The following CSMD1 variants were observed in gnomAD, a reference collection of about 807,000 sequenced individuals.
CSMD1 encodes CUB and Sushi multiple domains 1.
In CSMD1, 213 loss-of-function variants were observed where a neutral mutation model predicts 417.5. The observed-to-expected ratio is 0.51, with a 90% confidence interval of 0.46 to 0.57. The LOEUF (loss-of-function observed/expected upper bound fraction) is 0.57, where lower values mean the gene tolerates loss of function less well. CSMD1 is among the 20% of genes least tolerant of loss of function. The pLI is 0.00. For missense variants in CSMD1, 6,923 were observed against 4,529.7 expected (o/e 1.53, Z -15.17); for synonymous variants, 2,862 against 1,736.8 (o/e 1.65, Z -16.11).
At chr8:3,828,642 T>G (rs1247594626) in intron 5 of CSMD1, among the ~76,000 whole-genome samples, 1 of 152,190 alleles carries the variant, frequency 6.6e-6, no homozygotes, top group Non-Finnish European at 1.5e-5. Context: ...TCGTCACACC[T>G]ATTTTAATCC....
intron 3 of CSMD1, among the ~76,000 whole-genome samples, chr8:4,117,950 GGAAA>G (rs796482363): frequency 3.6e-5 from 5 of 139,104 alleles, no homozygotes; most frequent in African/African-American, 1.3e-4. Context: ...CAAGTCAATA[GGAAA>G]AAAAAAAAAA....
At chr8:3,704,756 T>A (rs1275328586) in intron 7 of CSMD1, 1 of 152,196 alleles carries the variant, frequency 6.6e-6, no homozygotes, top group Non-Finnish European at 1.5e-5. Flanking sequence ...TCTGTTTAAT[T>A]ATCAAACTGC....
chr8:3,566,682 C>G (rs1279945802), intron 10 of CSMD1, among the ~76,000 whole-genome samples: 2 of 152,044 alleles, frequency 1.3e-5, no homozygotes, highest in Admixed American at 6.5e-5. Context: ...AAAAAAAGGT[C>G]AACATCACTG....
intron 1 of CSMD1, among the ~76,000 whole-genome samples, chr8:4,725,374 ATGT>A (rs1350384253): frequency 6.6e-6 from 1 of 152,172 alleles, no homozygotes; most frequent in African/African-American, 2.4e-5. Flanking sequence ...CATAATAGTA[ATGT>A]TGTTTTGCTT....
intron 5 of CSMD1, among the ~76,000 whole-genome samples, chr8:3,797,645 A>G (rs1800234139): frequency 6.6e-6 from 1 of 151,982 alleles, no homozygotes; most frequent in Admixed American, 6.6e-5. Context: ...TTATACAAAT[A>G]TGTTATAATT....
chr8:4,880,042 T>A (rs114473762), intron 1 of CSMD1, among the ~76,000 whole-genome samples: 1 of 152,122 alleles, frequency 6.6e-6, no homozygotes, highest in South Asian at 2.1e-4. Context: ...TATTTTTGGC[T>A]TTAAAAGTAA....
chr8:3,454,258 C>G (rs1209709424), intron 12 of CSMD1, among the ~76,000 whole-genome samples: 1 of 152,174 alleles, frequency 6.6e-6, no homozygotes, highest in Non-Finnish European at 1.5e-5. Context: ...GGTCTTGACT[C>G]TTTATCCAAT....
chr8:4,426,028 C>G (rs1340385612), intron 2 of CSMD1, among the ~76,000 whole-genome samples: 1 of 151,320 alleles, frequency 6.6e-6, no homozygotes, highest in Non-Finnish European at 1.5e-5. Context: ...TTTTCCAAAT[C>G]TCCAAGGGAT....
chr8:4,045,587 G>T (rs1031202767), intron 3 of CSMD1, among the ~76,000 whole-genome samples: 6 of 152,278 alleles, frequency 3.9e-5, no homozygotes, highest in Middle Eastern at 3.4e-3. Context: ...TAGAATGAAA[G>T]AAACTCAAGA....
intron 5 of CSMD1, among the ~76,000 whole-genome samples, chr8:3,757,212 T>C (rs1797708295): frequency 6.6e-6 from 1 of 152,186 alleles, no homozygotes; most frequent in South Asian, 2.1e-4. Context: ...TATTTCCAAA[T>C]ACCTACTCAG....
intron 3 of CSMD1, among the ~76,000 whole-genome samples, chr8:4,401,390 G>A (rs1804634261): frequency 6.6e-6 from 1 of 152,148 alleles, no homozygotes; most frequent in Non-Finnish European, 1.5e-5. Context: ...TGTATCAGAT[G>A]TTAGTTGTTT....
intron 5 of CSMD1, among the ~76,000 whole-genome samples, chr8:3,922,461 T>G (rs1432739029): frequency 6.6e-6 from 1 of 152,106 alleles, no homozygotes; most frequent in Non-Finnish European, 1.5e-5. Context: ...CTGTTCTGTT[T>G]CTCGTCACAT....
At chr8:3,205,173 A>G (rs1867044) in intron 31 of CSMD1, among the ~76,000 whole-genome samples, 142,164 of 152,222 alleles carry the variant, frequency 0.93, 66,505 homozygotes, top group Non-Finnish European at 0.96. Flanking sequence ...TGACCCACCC[A>G]CTACTTTATG....
chr8:3,569,190 G>A (rs1585384914), intron 10 of CSMD1, among the ~76,000 whole-genome samples: 1 of 152,068 alleles, frequency 6.6e-6, no homozygotes, highest in Admixed American at 6.6e-5. Context: ...ATAACTTCCT[G>A]AATAGAAAAT....
chr8:4,196,160 G>A (rs572217372), intron 3 of CSMD1, among the ~76,000 whole-genome samples: 2 of 152,212 alleles, frequency 1.3e-5, no homozygotes, highest in East Asian at 1.9e-4. Context: ...GCAGGGAGCC[G>A]AGATCGCGCC....
At position 4,141,914 on chromosome 8, in the gene CSMD1, G is replaced by A. The variant is rs533955602; in HGVS notation, c.416-109815C>T. Among the ~76,000 whole-genome samples, 11 of 151,128 alleles carry A rather than the reference G, an allele frequency of 7.3e-5. No homozygotes were observed. The East Asian group carries it at 1.5e-3, about 21-fold the overall frequency. On this transcript the variant is annotated intron_variant, in intron 3 of 69. Transcript: ENST00000635120. ...AAAGAAAACATGAGAACTTCTTAGA[G>A]TGTGATATTTGCTATGCTATCCAAA...
intron 3 of CSMD1, among the ~76,000 whole-genome samples, chr8:4,358,996 A>G (rs1801598156): frequency 6.6e-6 from 1 of 152,184 alleles, no homozygotes; most frequent in South Asian, 2.1e-4. Context: ...TTAAGTTGAC[A>G]TATATAGGCA....
At chr8:3,234,869 T>C (rs1407980649) in intron 26 of CSMD1, among the ~76,000 whole-genome samples, 3 of 152,240 alleles carry the variant, frequency 2.0e-5, no homozygotes, top group African/African-American at 7.2e-5. Context: ...TTGAATTTAC[T>C]CTTTGAGTGA....
At chr8:3,478,074 C>T (rs1477549587) in intron 11 of CSMD1, among the ~76,000 whole-genome samples, 1 of 152,176 alleles carries the variant, frequency 6.6e-6, no homozygotes, top group East Asian at 1.9e-4. Context: ...GAAATTAGAA[C>T]AAGCTTTAGA....
Sources: gnomAD v4.1 joint callset for allele counts (sites outside exome capture counted in the v4.1 genomes callset) on GRCh38, gnomAD v4.1.1 for gene constraint, MANE v1.5 for transcripts, NCBI Gene and HGNC (gene_info 2026-07-23, HGNC 2026-07-21) for gene names.